The following CDH13 variants were observed in gnomAD, a reference collection of about 807,000 sequenced individuals.
CDH13 encodes cadherin 13, also known as cadherin-13.
A neutral mutation model predicts 63.8 loss-of-function variants in CDH13; 24 were observed. The observed-to-expected ratio is 0.38, with a 90% confidence interval of 0.27 to 0.53. The LOEUF (loss-of-function observed/expected upper bound fraction) is 0.53, where lower values mean the gene tolerates loss of function less well. Among genes scored for constraint, CDH13 ranks in the 20% least tolerant of loss-of-function variants. The pLI is 0.85. For synonymous variants in CDH13, 503 were observed against 355.3 expected (o/e 1.42, Z -4.67); for missense variants, 1,049 against 903.1 (o/e 1.16, Z -2.07).
At chr16:83,631,574 G>C (rs1910782849) in intron 8 of CDH13, among the ~76,000 whole-genome samples, 1 of 152,070 alleles carries the variant, frequency 6.6e-6, no homozygotes, top group Admixed American at 6.6e-5. Flanking sequence ...GCTTGAGGTG[G>C]ACAGTGTCAA....
chr16:82,930,039 CTTTT>C (rs71146098), intron 2 of CDH13, among the ~76,000 whole-genome samples: 2 of 94,750 alleles, frequency 2.1e-5, no homozygotes, highest in African/African-American at 7.6e-5. Context: ...TAGTTTGTCT[CTTTT>C]TTTTTTTTTT....
At chr16:82,676,794 C>G (rs1053287726) in intron 1 of CDH13, among the ~76,000 whole-genome samples, 63 of 152,304 alleles carry the variant, frequency 4.1e-4, no homozygotes, top group Admixed American at 5.9e-4. Context: ...TCAACTCCAG[C>G]CACCCCAGTC....
intron 1 of CDH13, among the ~76,000 whole-genome samples, chr16:82,627,735 G>C (rs1191080491): frequency 6.6e-6 from 1 of 152,154 alleles, no homozygotes; most frequent in African/African-American, 2.4e-5. Flanking sequence ...CAAAGGCGCC[G>C]GCGCCGGCCG....
At chr16:82,746,207 A>C (rs1027522455) in intron 1 of CDH13, among the ~76,000 whole-genome samples, 7 of 89,602 alleles carry the variant, frequency 7.8e-5, no homozygotes, top group African/African-American at 2.2e-4. Context: ...TTATATATAA[A>C]CACACTGTTT....
chr16:83,521,432 C>T (rs1175543474), intron 7 of CDH13, among the ~76,000 whole-genome samples: 1 of 152,038 alleles, frequency 6.6e-6, no homozygotes, highest in Non-Finnish European at 1.5e-5. Flanking sequence ...TGACCTTTAG[C>T]AGGTTCCTTA....
At chr16:82,643,249 C>A (rs1417261195) in intron 1 of CDH13, among the ~76,000 whole-genome samples, 1 of 152,166 alleles carries the variant, frequency 6.6e-6, no homozygotes, top group Non-Finnish European at 1.5e-5. Context: ...AATAGGAAAA[C>A]AAGCAAACCT....
chr16:82,678,728 T>C (rs964605847), intron 1 of CDH13, among the ~76,000 whole-genome samples: 5 of 152,170 alleles, frequency 3.3e-5, no homozygotes, highest in African/African-American at 1.2e-4. Flanking sequence ...GAGACAGTAA[T>C]GGGTACAGTT....
At chr16:83,550,287 T>C (rs2075466817) in intron 7 of CDH13, among the ~76,000 whole-genome samples, 2 of 152,194 alleles carry the variant, frequency 1.3e-5, no homozygotes, top group Admixed American at 1.3e-4. Flanking sequence ...ACTCAAAGCA[T>C]TCTCCCAAAG....
In CDH13 at chr16:82,801,357, A is replaced by G. The variant is rs116837390; in HGVS notation, c.46-57005A>G. ...CTCCTGGCTTGATGCTCCTCGAGGG[A>G]CCTCTAGCTTCTGTGGATTCAAATG... On this transcript the variant is annotated intron_variant, in intron 1 of 13. Transcript: ENST00000567109. Among the ~76,000 whole-genome samples the G allele has an allele frequency of 5.7e-3, 867 of 152,260 alleles. 11 individuals are homozygous for G. The highest frequency in any genetic ancestry group is 0.019 in the African/African-American group (775 of 41,548).
At chr16:82,789,965 C>G (rs1316128028) in intron 1 of CDH13, among the ~76,000 whole-genome samples, 1 of 152,058 alleles carries the variant, frequency 6.6e-6, no homozygotes, top group Admixed American at 6.6e-5. Context: ...CAGACCAGCC[C>G]CCATCTCTGT....
intron 2 of CDH13, among the ~76,000 whole-genome samples, chr16:82,865,505 C>A (rs1434915809): frequency 1.3e-5 from 2 of 152,216 alleles, no homozygotes; most frequent in African/African-American, 4.8e-5. Context: ...GGGCTTGCAC[C>A]CTCTGAAACA....
rs868488286 is a variant in CDH13 at position 83,088,495 on chromosome 16, G to A, written c.367-36890G>A. On this transcript the variant is annotated intron_variant, in intron 3 of 13. Transcript: ENST00000567109. ...CCCAGAGTTTTAGTTACATACTGCT[G>A]CTCTAGGATCAGTAGCCCTTAGGTC... Among the ~76,000 whole-genome samples the A allele has an allele frequency of 3.3e-5, 5 of 152,116 alleles. No homozygotes were observed. In the South Asian group the frequency reaches 1.0e-3, roughly 32 times the overall value.
chr16:83,463,807 A>C (rs2073240265), intron 6 of CDH13, among the ~76,000 whole-genome samples: 1 of 152,116 alleles, frequency 6.6e-6, no homozygotes, highest in South Asian at 2.1e-4. Flanking sequence ...TCTGTCTCCA[A>C]AAAAAGCAAA....
intron 4 of CDH13, among the ~76,000 whole-genome samples, chr16:83,182,412 G>A (rs1218152404): frequency 6.6e-6 from 1 of 152,162 alleles, no homozygotes; most frequent in East Asian, 1.9e-4. Flanking sequence ...GCTGTGCTCT[G>A]CTAGGGAAAA....
Position 83,202,377 on chromosome 16 carries a change from C to T in CDH13, c.484-14968C>T, listed in dbSNP as rs536381510. On this transcript the variant is annotated intron_variant, in intron 4 of 13. Transcript: ENST00000567109. The stretch of plus-strand genomic sequence containing the variant: ...ATATGGCTATAAAGAGCCTTGCTTT[C>T]CTGAGGGGACTTGAATTTTTCCTGA... Among the ~76,000 whole-genome samples, 22 of 152,196 alleles carry T rather than the reference C, an allele frequency of 1.4e-4. No individual in the cohort carries two copies. In the East Asian group the frequency reaches 2.3e-3, roughly 16 times the overall value.
intron 2 of CDH13, among the ~76,000 whole-genome samples, chr16:82,862,250 C>T (rs1020085824): frequency 9.2e-5 from 14 of 152,184 alleles, no homozygotes; most frequent in African/African-American, 4.8e-5. Context: ...ACACCCAGAA[C>T]AGAAGATCCC....
chr16:82,934,907 A>T (rs778027142), intron 2 of CDH13, among the ~76,000 whole-genome samples: 2 of 152,132 alleles, frequency 1.3e-5, no homozygotes, highest in Non-Finnish European at 2.9e-5. Context: ...GTAAGTTCCA[A>T]ACTTTACCAC....
intron 6 of CDH13, among the ~76,000 whole-genome samples, chr16:83,483,466 CTT>C (rs11327354): frequency 0.19 from 28,542 of 146,956 alleles, 2,696 homozygotes; most frequent in Admixed American, 0.26. Flanking sequence ...CCTGAAAGGT[CTT>C]TTTTTTTTTT....
At position 82,801,891 on chromosome 16, in the gene CDH13, G is replaced by T. The variant is rs112733582; in HGVS notation, c.46-56471G>T. Among the ~76,000 whole-genome samples the T allele has an allele frequency of 7.9e-5, 12 of 152,320 alleles. 1 individual carries two copies. Among genetic ancestry groups the T allele is most frequent in the African/African-American group, 2.9e-4 (12 of 41,580 alleles). ...TCCCAAACACTCATTATGACAAAAG[G>T]ATTTAAGTGCATTCTATTTATTTGT... is the stretch of plus-strand genomic sequence containing the variant. On this transcript the variant is annotated intron_variant, in intron 1 of 13. Coordinates refer to ENST00000567109, the MANE Select transcript of CDH13 (RefSeq NM_001257.5).
Sources: allele counts gnomAD v4.1 joint callset (sites outside exome capture counted in the v4.1 genomes callset), GRCh38; gene constraint gnomAD v4.1.1; transcripts MANE v1.5; gene names NCBI Gene and HGNC (gene_info 2026-07-23, HGNC 2026-07-21).